Variants in ZCRB1 observed in about 807,000 individuals in gnomAD.
The protein encoded by ZCRB1 is zinc finger CCHC-type and RNA binding motif containing 1.
ZCRB1 carries 21 observed loss-of-function variants against 29.9 expected under a neutral mutation model. That is an observed-to-expected ratio of 0.70 (90% confidence interval 0.50 to 1.01). The LOEUF is 1.01. ZCRB1 is among the 50% of genes least tolerant of loss of function. The pLI, the probability that ZCRB1 is intolerant of heterozygous loss-of-function variation, is 0.00. For missense variants in ZCRB1, 204 were observed against 253.3 expected (o/e 0.81, Z 1.32); for synonymous variants, 77 against 80.0 (o/e 0.96, Z 0.20).
intron 4 of ZCRB1, 96 bp from the exon 5 acceptor site, chr12:42,317,543 T>C: frequency 8.9e-7 from 1 of 1,124,898 alleles, no homozygotes; most frequent in South Asian, 1.6e-5. Context: ...TCCAGTTTAT[T>C]TTGGATTTTT....
intron 5 of ZCRB1, among the ~76,000 whole-genome samples, chr12:42,314,454 C>CT (rs1379262162): frequency 7.2e-6 from 1 of 138,682 alleles, no homozygotes; most frequent in Non-Finnish European, 1.5e-5. Context: ...AAGTGGCACA[C>CT]ACCTGTAGTC....
chr12:42,318,792 T>A (rs1350192231), intron 3 of ZCRB1, among the ~76,000 whole-genome samples: 1 of 152,048 alleles, frequency 6.6e-6, no homozygotes, highest in Non-Finnish European at 1.5e-5. Flanking sequence ...AATGAATGAA[T>A]GAATGATGGG....
chr12:42,314,877 G>A (rs944284145), intron 5 of ZCRB1, among the ~76,000 whole-genome samples: 6 of 151,786 alleles, frequency 4.0e-5, no homozygotes, highest in African/African-American at 9.7e-5. Flanking sequence ...GATCGAACGC[G>A]GGAGGCAGAG....
rs572802803 is a variant in ZCRB1 at position 42,314,937 on chromosome 12, G to A, written c.334-951C>T. The stretch of plus-strand genomic sequence containing the variant: ...ACCGCACTCCAGCCTAGGCAACAGA[G>A]CAAGACCCTGTCTCAAAAAACAAAC... On this transcript the variant is annotated intron_variant, in intron 5 of 7. Coordinates refer to ENST00000266529, the MANE Select transcript of ZCRB1 (RefSeq NM_033114.4). Among the ~76,000 whole-genome samples, 5 of 152,288 alleles carry A rather than the reference G, an allele frequency of 3.3e-5. No individual in the cohort carries two copies. In the East Asian group the frequency reaches 9.7e-4, roughly 29 times the overall value.
chr12:42,325,586 G>A (rs2068700282), intron 1 of ZCRB1: 1 of 152,118 alleles, frequency 6.6e-6, no homozygotes, highest in Non-Finnish European at 1.5e-5. Context: ...TAAAAAGAGC[G>A]TGCGGTGTGT....
rs772952048 is a variant in ZCRB1 at position 42,324,136 on chromosome 12, G to T, written c.-2-32C>A. On this transcript the variant is annotated intron_variant, in intron 1 of 7. Coordinates refer to ENST00000266529, the MANE Select transcript of ZCRB1 (RefSeq NM_033114.4). Reference sequence around the variant, plus strand: ...GTGAAAACAAACTTATCAGCAATCAGTCTAAACCAGGATTCTTTTTTTGTT... The same window carrying T: ...GTGAAAACAAACTTATCAGCAATCATTCTAAACCAGGATTCTTTTTTTGTT... 4 of 1,583,614 alleles carry T rather than the reference G, an allele frequency of 2.5e-6. No homozygotes were observed. In the South Asian group the frequency reaches 4.5e-5, roughly 18 times the overall value.
In ZCRB1 at chr12:42,324,834, G is replaced by A. The variant is rs542166719; in HGVS notation, c.-2-730C>T. Among the ~76,000 whole-genome samples, 16 of 152,324 alleles carry A rather than the reference G, an allele frequency of 1.1e-4. 1 individual carries two copies. Among genetic ancestry groups the A allele is most frequent in the Admixed American group, 2.0e-4 (3 of 15,302 alleles). ...AAAAATGCTCTATTGAATATGTACTGTATATGTACATTACCTGCACCTTGC... is the reference window on the plus strand; with the variant it reads ...AAAAATGCTCTATTGAATATGTACTATATATGTACATTACCTGCACCTTGC... On this transcript the variant is annotated intron_variant, in intron 1 of 7. Transcript: ENST00000266529.
chr12:42,322,269 A>T, intron 3 of ZCRB1, 149 bp downstream of exon 3: 1 of 794,736 alleles, frequency 1.3e-6, no homozygotes, highest in Non-Finnish European at 1.8e-6. Context: ...GTACATGGAA[A>T]ACCAACTAAA....
chr12:42,315,484 T>C (rs1467350790), intron 5 of ZCRB1, among the ~76,000 whole-genome samples: 1 of 152,026 alleles, frequency 6.6e-6, no homozygotes, highest in East Asian at 1.9e-4. Context: ...GAGACACATA[T>C]CTGAAACTGT....
At chr12:42,318,699 G>C (rs146188593) in intron 3 of ZCRB1, among the ~76,000 whole-genome samples, 185 of 152,288 alleles carry the variant, frequency 1.2e-3, no homozygotes, top group Middle Eastern at 3.4e-3. Context: ...GCAGGTACAA[G>C]AGGAGCTTGG....
Position 42,313,218 on chromosome 12 carries a change from A to G in ZCRB1, c.523-20T>C. The G allele has an allele frequency of 6.3e-7, 1 of 1,599,092 alleles. No individual in the cohort carries two copies. Among genetic ancestry groups the G allele is most frequent in the Non-Finnish European group, 8.5e-7 (1 of 1,175,534 alleles). On this transcript the variant is annotated intron_variant, in intron 7 of 7. Coordinates refer to ENST00000266529, the MANE Select transcript of ZCRB1 (RefSeq NM_033114.4). Reference sequence around the variant, plus strand: ...GGCTTGCTGTGATTCAAAAAACAAAACAAAACCAATAACCTGTTTAATATT... The same window carrying G: ...GGCTTGCTGTGATTCAAAAAACAAAGCAAAACCAATAACCTGTTTAATATT...
At chr12:42,321,585 C>T (rs573339204) in intron 3 of ZCRB1, among the ~76,000 whole-genome samples, 6 of 152,148 alleles carry the variant, frequency 3.9e-5, no homozygotes, top group Non-Finnish European at 8.8e-5. Context: ...AAAATTTACA[C>T]AGAAGCATTT....
intron 5 of ZCRB1, among the ~76,000 whole-genome samples, chr12:42,316,144 G>C (rs2068593474): frequency 6.6e-6 from 1 of 152,010 alleles, no homozygotes; most frequent in Non-Finnish European, 1.5e-5. Context: ...GCCCAGGCTG[G>C]AGTGCAGTGG....
intron 3 of ZCRB1, among the ~76,000 whole-genome samples, chr12:42,318,332 GA>G (rs1036298317): frequency 8.6e-5 from 13 of 151,994 alleles, no homozygotes; most frequent in Non-Finnish European, 1.6e-4. Context: ...GAAAAATAAG[GA>G]AAAAAACCCT....
At chr12:42,315,490 A>G (rs1172838961) in intron 5 of ZCRB1, among the ~76,000 whole-genome samples, 1 of 152,190 alleles carries the variant, frequency 6.6e-6, no homozygotes. Context: ...CATATCTGAA[A>G]CTGTTTTGGA....
At position 42,326,080 on chromosome 12, in the gene ZCRB1, T is replaced by C. The variant is rs1365140544; in HGVS notation, c.-159A>G. The C allele has an allele frequency of 3.9e-5, 6 of 152,260 alleles. No homozygotes were observed. Among genetic ancestry groups the C allele is most frequent in the African/African-American group, 1.4e-4 (6 of 41,450 alleles). 9.4% of individuals were successfully genotyped at this position (152,260 alleles called of 1,614,324 possible). ...AGCAGATAATAGCAGCCACGGTGCT[T>C]CTTCCCGACTGTTTGAGATCCGGGC... On this transcript the variant is annotated 5_prime_UTR_variant, in exon 1 of 8. Coordinates refer to ENST00000266529, the MANE Select transcript of ZCRB1 (RefSeq NM_033114.4).
chr12:42,323,871 C>G (rs762849420), intron 2 of ZCRB1, 148 bp downstream of exon 2: 3 of 674,210 alleles, frequency 4.4e-6, no homozygotes, highest in Non-Finnish European at 7.5e-6. Context: ...GATAGTGCCA[C>G]TGCACTACAG....
At chr12:42,321,438 T>C (rs944455630) in intron 3 of ZCRB1, among the ~76,000 whole-genome samples, 16 of 152,178 alleles carry the variant, frequency 1.1e-4, no homozygotes, top group African/African-American at 3.4e-4. Flanking sequence ...TAAAGGGTAG[T>C]TGTGAGAATT....
chr12:42,313,033 A>G lies in ZCRB1; in HGVS notation c.*34T>C. 1 of 1,506,610 alleles carries G rather than the reference A, an allele frequency of 6.6e-7. No homozygotes were observed. Among genetic ancestry groups the G allele is most frequent in the South Asian group, 1.5e-5 (1 of 68,870 alleles). 93.3% of individuals were successfully genotyped at this position (1,506,610 alleles called of 1,614,324 possible). A position where few individuals can be genotyped will look rare whatever the true frequency, so the allele number is the denominator to read the frequency against. On this transcript the variant is annotated 3_prime_UTR_variant, in exon 8 of 8. Coordinates refer to ENST00000266529, the MANE Select transcript of ZCRB1 (RefSeq NM_033114.4). ...AGCTCTTCAAGATTGTTACTAACAA[A>G]TCTTGATTTTTATTACTGTGCTGGG... is the stretch of plus-strand genomic sequence containing the variant.
Sources: allele counts gnomAD v4.1 joint callset (sites outside exome capture counted in the v4.1 genomes callset), GRCh38; gene constraint gnomAD v4.1.1; transcripts MANE v1.5; gene names NCBI Gene and HGNC (gene_info 2026-07-23, HGNC 2026-07-21).